MTHFD2L: variants seen among roughly 807,000 people sequenced by gnomAD.
The protein encoded by MTHFD2L is methylenetetrahydrofolate dehydrogenase (NADP+ dependent) 2 like, also known as bifunctional methylenetetrahydrofolate dehydrogenase/cyclohydrolase 2, mitochondrial.
MTHFD2L carries 29 observed loss-of-function variants against 34.9 expected under a neutral mutation model. The ratio of observed to expected loss-of-function variants is 0.83; its 90% CI spans 0.62 to 1.13. The LOEUF (loss-of-function observed/expected upper bound fraction) is 1.13. MTHFD2L is among the 50% of genes most tolerant of loss of function. The probability of loss-of-function intolerance (pLI) is 0.00; values close to 1 mark genes in which losing one functional copy is unlikely to be tolerated. For synonymous variants in MTHFD2L, 167 were observed against 155.7 expected, an observed-to-expected ratio of 1.07 and a Z score of -0.54; for missense variants, 481 against 446.5, an observed-to-expected ratio of 1.08 and a Z score of -0.70.
intron 6 of MTHFD2L, among the ~76,000 whole-genome samples, chr4:74,241,056 A>G (rs1338519974): frequency 1.3e-5 from 2 of 152,166 alleles, no homozygotes; most frequent in Non-Finnish European, 2.9e-5. Flanking sequence ...TTTCAAATTC[A>G]TTTCCATATA....
intron 5 of MTHFD2L, among the ~76,000 whole-genome samples, chr4:74,202,857 A>G (rs1578451434): frequency 6.6e-6 from 1 of 152,130 alleles, no homozygotes; most frequent in Admixed American, 6.6e-5. Flanking sequence ...TGTGCTCATC[A>G]TGTACAGCAC....
At chr4:74,245,423 TAA>T (rs758591373) in intron 6 of MTHFD2L, among the ~76,000 whole-genome samples, 4 of 151,980 alleles carry the variant, frequency 2.6e-5, no homozygotes, top group Non-Finnish European at 5.9e-5. Flanking sequence ...TCATTAAATA[TAA>T]GTCATTAAGT....
intron 3 of MTHFD2L, among the ~76,000 whole-genome samples, chr4:74,186,625 G>A (rs1375354499): frequency 6.6e-6 from 1 of 151,862 alleles, no homozygotes; most frequent in Non-Finnish European, 1.5e-5. Flanking sequence ...TTTGACAAAA[G>A]ATGGGGAAAA....
At chr4:74,127,164 T>C (rs1282351734) in intron 1 of MTHFD2L, among the ~76,000 whole-genome samples, 1 of 152,168 alleles carries the variant, frequency 6.6e-6, no homozygotes, top group Non-Finnish European at 1.5e-5. Flanking sequence ...TTGCCCAGTT[T>C]GGGGGCAGTT....
intron 6 of MTHFD2L, among the ~76,000 whole-genome samples, chr4:74,237,617 A>T (rs1402145083): frequency 6.6e-6 from 1 of 152,172 alleles, no homozygotes; most frequent in African/African-American, 2.4e-5. Flanking sequence ...CTGTCTGAAA[A>T]AAAAGAAGAA....
At chr4:74,259,443 C>G (rs773149916) in intron 6 of MTHFD2L, among the ~76,000 whole-genome samples, 7 of 152,134 alleles carry the variant, frequency 4.6e-5, no homozygotes, top group Admixed American at 1.3e-4. Context: ...TCCTCCCCAC[C>G]ACCAGCATGA....
At chr4:74,278,489 C>G (rs1746980380) in intron 6 of MTHFD2L, among the ~76,000 whole-genome samples, 1 of 152,160 alleles carries the variant, frequency 6.6e-6, no homozygotes, top group African/African-American at 2.4e-5. Context: ...CAAACAACTA[C>G]CTTTAAAAAA....
intron 7 of MTHFD2L, among the ~76,000 whole-genome samples, chr4:74,295,847 T>A (rs1749564529): frequency 6.6e-6 from 1 of 152,110 alleles, no homozygotes. Context: ...TCCCCTACAC[T>A]GTCTATTCTA....
Position 74,201,289 on chromosome 4 carries a change from G to A in MTHFD2L, c.631G>A (p.Val211Ile), listed in dbSNP as rs1157206024. Residue 211 changes from valine to isoleucine, a missense_variant, in exon 5 of 8, where the codon GTT becomes ATT. Coordinates refer to ENST00000325278, the MANE Select transcript of MTHFD2L (RefSeq NM_001144978.3). ...TGIQTFGKNV[V>I]VAGRSKNVGM... is the part of the protein sequence containing the mutation. ...AATTCAAACATTTGGAAAAAATGTG[G>A]TTGTGGCTGGAAGATCCAAGAACGT... is the stretch of plus-strand genomic sequence containing the variant. The A allele has an allele frequency of 2.5e-6, 4 of 1,613,610 alleles. No homozygotes were observed. Among genetic ancestry groups the A allele is most frequent in the Admixed American group, 1.7e-5 (1 of 59,998 alleles).
At chr4:74,136,254 T>C (rs1452002907) in intron 1 of MTHFD2L, among the ~76,000 whole-genome samples, 1 of 152,056 alleles carries the variant, frequency 6.6e-6, no homozygotes, top group Non-Finnish European at 1.5e-5. Flanking sequence ...AAAACTGTTA[T>C]AACTCATACA....
At chr4:74,262,578 ATT>A (rs1181072377) in intron 6 of MTHFD2L, among the ~76,000 whole-genome samples, 1 of 151,988 alleles carries the variant, frequency 6.6e-6, no homozygotes, top group Non-Finnish European at 1.5e-5. Context: ...TAAAAGAACA[ATT>A]TATAGGAAAG....
chr4:74,146,028 T>A (rs1160584730), intron 1 of MTHFD2L, among the ~76,000 whole-genome samples: 1 of 152,126 alleles, frequency 6.6e-6, no homozygotes, highest in Non-Finnish European at 1.5e-5. Context: ...AATGTACTAA[T>A]ACACAAACCC....
intron 1 of MTHFD2L, among the ~76,000 whole-genome samples, chr4:74,133,012 CTAATA>C (rs1722665985): frequency 1.3e-5 from 2 of 152,142 alleles, no homozygotes; most frequent in South Asian, 4.1e-4. Flanking sequence ...AGTTAGTACA[CTAATA>C]TGTTAGCATT....
intron 6 of MTHFD2L, among the ~76,000 whole-genome samples, chr4:74,239,971 C>T (rs985385740): frequency 1.2e-4 from 18 of 152,144 alleles, no homozygotes; most frequent in African/African-American, 3.9e-4. Context: ...TCAGGATATA[C>T]TTAAAAATAA....
intron 7 of MTHFD2L, among the ~76,000 whole-genome samples, chr4:74,287,114 AAAAAT>A (rs1748279562): frequency 6.6e-6 from 1 of 152,224 alleles, no homozygotes; most frequent in Non-Finnish European, 1.5e-5. Flanking sequence ...TTAAATTACA[AAAAAT>A]AAAGAAGTCA....
intron 1 of MTHFD2L, among the ~76,000 whole-genome samples, chr4:74,173,810 T>C (rs1728486770): frequency 6.6e-6 from 1 of 152,182 alleles, no homozygotes; most frequent in African/African-American, 2.4e-5. Context: ...TGATAATTTA[T>C]ATGAATACAT....
At chr4:74,177,052 A>G (rs1441053862) in intron 3 of MTHFD2L, among the ~76,000 whole-genome samples, 1 of 152,004 alleles carries the variant, frequency 6.6e-6, no homozygotes, top group Non-Finnish European at 1.5e-5. Flanking sequence ...CAAGTTAATA[A>G]GAATCTCAGA....
At chr4:74,276,686 C>T (rs1746692598) in intron 6 of MTHFD2L, among the ~76,000 whole-genome samples, 3 of 152,046 alleles carry the variant, frequency 2.0e-5, no homozygotes, top group African/African-American at 7.2e-5. Context: ...AACTTTCTTT[C>T]CAATATCTAT....
Position 74,274,651 on chromosome 4 carries a change from A to G in MTHFD2L, c.806-6774A>G, listed in dbSNP as rs1302092812. On this transcript the variant is annotated intron_variant, in intron 6 of 7. Transcript: ENST00000325278. ...AATCTTAGTTTATGGTTACTGTAGCATGGGTGAGAACTGCATTGACAGAGC... is the reference window on the plus strand; with the variant it reads ...AATCTTAGTTTATGGTTACTGTAGCGTGGGTGAGAACTGCATTGACAGAGC... Among the ~76,000 whole-genome samples, 4 of 152,220 alleles carry G rather than the reference A, an allele frequency of 2.6e-5. No individual in the cohort carries two copies. The East Asian group carries it at 7.7e-4, about 29-fold the overall frequency.
Sources: allele counts gnomAD v4.1 joint callset (sites outside exome capture counted in the v4.1 genomes callset), GRCh38; gene constraint gnomAD v4.1.1; transcripts MANE v1.5; gene names NCBI Gene and HGNC (gene_info 2026-07-23, HGNC 2026-07-21).